Variants in DRICH1 observed in about 807,000 individuals in gnomAD.
The protein encoded by DRICH1 is aspartate-rich protein 1.
Under a neutral mutation model 39.5 loss-of-function variants are expected in DRICH1, and 38 were observed. That is an observed-to-expected ratio of 0.96 (90% CI 0.74 to 1.26). The LOEUF is 1.26. Among genes scored for constraint, DRICH1 ranks in the 50% most tolerant of loss-of-function variants. DRICH1 has a pLI of 0.00. For missense variants in DRICH1, 279 were observed against 270.4 expected (o/e 1.03, Z -0.22); for synonymous variants, 84 against 99.5 (o/e 0.84, Z 0.93).
chr22:23,616,791 T>C (rs2123773121), intron 8 of DRICH1, 62 bp downstream of exon 8: 2 of 1,594,478 alleles, frequency 1.3e-6, no homozygotes, highest in Admixed American at 1.7e-5. Flanking sequence ...CAGATTAAGG[T>C]TTCCATATAT....
chr22:23,624,421 A>T (rs1403434794), intron 3 of DRICH1: 1 of 829,906 alleles, frequency 1.2e-6, no homozygotes, highest in Non-Finnish European at 1.5e-6. Context: ...AACTCTGAAA[A>T]TAACAAACTC....
In DRICH1 at chr22:23,608,714, C is replaced by T. The variant is rs373047643; in HGVS notation, c.*50G>A. ...GCAAAGCTGGGGACCCTGCAGCACG[C>T]GCTGGCCTGCCCTTTGGGTCAGCAC... On this transcript the variant is annotated 3_prime_UTR_variant, in exon 12 of 12. Coordinates refer to ENST00000317749, the MANE Select transcript of DRICH1 (RefSeq NM_016449.4). 3.1e-5 allele frequency: 48 copies of T among 1,548,328 alleles called. 1 individual carries two copies. The highest frequency in any genetic ancestry group is 1.8e-4 in the Middle Eastern group (1 of 5,470).
downstream of DRICH1, among the ~76,000 whole-genome samples, chr22:23,606,087 C>T (rs908753115): frequency 1.3e-5 from 2 of 150,194 alleles, no homozygotes; most frequent in African/African-American, 2.5e-5. Context: ...GAGACCCCAC[C>T]TCAAAAAAAA....
At chr22:23,624,960 C>G in intron 2 of DRICH1, 56 bp from the exon 3 acceptor site, 1 of 1,574,254 alleles carries the variant, frequency 6.4e-7, no homozygotes, top group Non-Finnish European at 8.7e-7. Context: ...GCTGCACCCC[C>G]TACACAGATC....
chr22:23,616,722 C>T lies in DRICH1; in HGVS notation c.541+131G>A, dbSNP rs527765213. ...ATTTCTACAGCCCCTCTTCTCATAGCTATACACTTGCAGAATCATTTGCTC... is the reference window on the plus strand; with the variant it reads ...ATTTCTACAGCCCCTCTTCTCATAGTTATACACTTGCAGAATCATTTGCTC... On this transcript the variant is annotated intron_variant, in intron 8 of 11. Coordinates refer to ENST00000317749, the MANE Select transcript of DRICH1 (RefSeq NM_016449.4). 2,150 of 1,244,712 alleles carry T rather than the reference C, an allele frequency of 1.7e-3. 25 individuals carry two copies. In the African/African-American group the frequency reaches 0.025, roughly 15 times the overall value. The allele number at this position is 1,244,712 out of a possible 1,614,324, so 77.1% of individuals were successfully genotyped here.
intron 5 of DRICH1, among the ~76,000 whole-genome samples, chr22:23,620,275 C>T (rs1253702415): frequency 6.6e-6 from 1 of 152,090 alleles, no homozygotes; most frequent in Non-Finnish European, 1.5e-5. Context: ...TCTTGTTGCC[C>T]ACCTGGAAAG....
At chr22:23,592,835 T>TACACACACAC in the DRICH1 span, among the ~76,000 whole-genome samples, 100 of 135,236 alleles carry the variant, frequency 7.4e-4, no homozygotes, top group African/African-American at 1.4e-3. Context: ...CTATTAAAAA[T>TACACACACAC]ACACACACAC....
At chr22:23,602,613 T>C in the DRICH1 span, among the ~76,000 whole-genome samples, 180 of 148,094 alleles carry the variant, frequency 1.2e-3, no homozygotes, top group African/African-American at 4.3e-3. Flanking sequence ...TGAACCCAGG[T>C]GGCGGAGGTT....
In DRICH1 at chr22:23,620,521, C is replaced by A. The variant is rs1377381244; in HGVS notation, c.406+73G>T. ...CACCCCCAATATTTTTAACAGGAACCCAGATTAAGGTTCCTATATATTAAA... is the reference window on the plus strand; with the variant it reads ...CACCCCCAATATTTTTAACAGGAACACAGATTAAGGTTCCTATATATTAAA... On this transcript the variant is annotated intron_variant, in intron 5 of 11. Transcript: ENST00000317749. The A allele has an allele frequency of 1.4e-5, 21 of 1,519,226 alleles. No individual in the cohort carries two copies. The Admixed American group carries it at 3.5e-4, about 26-fold the overall frequency. The allele number at this position is 1,519,226 out of a possible 1,614,324, so 94.1% of individuals were successfully genotyped here. A position where few individuals can be genotyped will look rare whatever the true frequency, so the allele number is the denominator to read the frequency against.
downstream of DRICH1, among the ~76,000 whole-genome samples, chr22:23,607,538 C>CGGGGGGG (rs59669796): frequency 2.7e-5 from 4 of 147,504 alleles, no homozygotes; most frequent in Non-Finnish European, 3.0e-5. Flanking sequence ...CTGGCGGGGG[C>CGGGGGGG]GGGGGGGGGC....
the DRICH1 span, among the ~76,000 whole-genome samples, chr22:23,590,476 C>T: frequency 6.6e-6 from 1 of 151,868 alleles, no homozygotes; most frequent in Non-Finnish European, 1.5e-5. Flanking sequence ...TGGGGTTTTG[C>T]CTTGTTGCCC....
chr22:23,608,597 C>T lies in DRICH1; in HGVS notation c.*167G>A. On this transcript the variant is annotated 3_prime_UTR_variant, in exon 12 of 12. Transcript: ENST00000317749. Reference sequence around the variant, plus strand: ...TGGATGGTACAGGCCAAACCTAGTGCTGGCGGTGGGTGGGAAGCAGCCTTG... The same window carrying T: ...TGGATGGTACAGGCCAAACCTAGTGTTGGCGGTGGGTGGGAAGCAGCCTTG... 7.3e-6 allele frequency: 5 copies of T among 685,166 alleles called. No individual in the cohort carries two copies. Among genetic ancestry groups the T allele is most frequent in the Non-Finnish European group, 1.3e-5 (5 of 389,600 alleles). The allele number at this position is 685,166 out of a possible 1,614,324, so 42.4% of individuals were successfully genotyped here.
At chr22:23,588,922 C>T in the DRICH1 span, among the ~76,000 whole-genome samples, 2 of 152,204 alleles carry the variant, frequency 1.3e-5, no homozygotes, top group Non-Finnish European at 2.9e-5. Flanking sequence ...TGCACACTTC[C>T]TCTAACCAGA....
chr22:23,630,258 C>T (rs1321170608), intron 1 of DRICH1, among the ~76,000 whole-genome samples: 1 of 152,162 alleles, frequency 6.6e-6, no homozygotes, highest in Non-Finnish European at 1.5e-5. Context: ...CAGGGGCACG[C>T]ATAGGTGCTG....
the DRICH1 span, among the ~76,000 whole-genome samples, chr22:23,595,710 G>T: frequency 1.3e-5 from 2 of 152,088 alleles, no homozygotes; most frequent in Non-Finnish European, 2.9e-5. Flanking sequence ...AGATAGGAAA[G>T]GTCCCCTGTC....
chr22:23,622,510 T>C (rs528767083), intron 3 of DRICH1, among the ~76,000 whole-genome samples: 50 of 111,176 alleles, frequency 4.5e-4, no homozygotes, highest in Non-Finnish European at 6.7e-4. Context: ...AGTATTTTCT[T>C]AATGTATTCA....
the DRICH1 span, among the ~76,000 whole-genome samples, chr22:23,593,864 G>T: frequency 1.3e-5 from 2 of 151,972 alleles, no homozygotes; most frequent in Non-Finnish European, 2.9e-5. Context: ...TGTAATCCCA[G>T]CTACTCTGGA....
chr22:23,616,098 G>A (rs1040446849), intron 8 of DRICH1, among the ~76,000 whole-genome samples: 1 of 152,196 alleles, frequency 6.6e-6, no homozygotes, highest in East Asian at 1.9e-4. Context: ...AGGTAAGCAA[G>A]AAAAACAGAC....
At chr22:23,607,346 C>G (rs1602324673), downstream of DRICH1, among the ~76,000 whole-genome samples, 1 of 152,226 alleles carries the variant, frequency 6.6e-6, no homozygotes, top group Admixed American at 6.5e-5. Context: ...GGCACAGTGT[C>G]TTGTGTCTCA....
Sources: gnomAD v4.1 joint callset for allele counts (sites outside exome capture counted in the v4.1 genomes callset) on GRCh38, gnomAD v4.1.1 for gene constraint, MANE v1.5 for transcripts, NCBI Gene and HGNC (gene_info 2026-07-23, HGNC 2026-07-21) for gene names.